Variants in GBF1 observed in about 807,000 individuals in gnomAD.
The protein encoded by GBF1 is golgi brefeldin A resistant guanine nucleotide exchange factor 1.
A neutral mutation model predicts 210.5 loss-of-function variants in GBF1; 114 were observed. The ratio of observed to expected loss-of-function variants is 0.54; its 90% CI spans 0.47 to 0.63. The LOEUF is 0.63. Ranked by LOEUF, GBF1 falls within the 30% of genes least tolerant of loss-of-function variation. GBF1 has a pLI of 0.00. For synonymous variants in GBF1, 850 were observed against 889.2 expected, an observed-to-expected ratio of 0.96 and a Z score of 0.78; for missense variants, 1,851 against 2,357.7, an observed-to-expected ratio of 0.79 and a Z score of 4.45.
At chr10:102,246,649 G>T (rs2070872097) in intron 1 of GBF1, among the ~76,000 whole-genome samples, 1 of 152,224 alleles carries the variant, frequency 6.6e-6, no homozygotes, top group African/African-American at 2.4e-5. Context: ...TCAGCCAATT[G>T]TAGGGTCAGA....
intron 33 of GBF1, among the ~76,000 whole-genome samples, chr10:102,378,272 C>T (rs1017098061): frequency 4.6e-5 from 7 of 151,538 alleles, no homozygotes; most frequent in African/African-American, 1.5e-4. Flanking sequence ...TGTATTAAAT[C>T]TGGCCAGACA....
chr10:102,350,078 T>C (rs1199740032), intron 4 of GBF1, among the ~76,000 whole-genome samples: 1 of 152,098 alleles, frequency 6.6e-6, no homozygotes, highest in Non-Finnish European at 1.5e-5. Flanking sequence ...GGGCCAGGCA[T>C]GGTAGCTCAC....
chr10:102,271,303 C>T (rs1251099499), intron 3 of GBF1, among the ~76,000 whole-genome samples: 1 of 152,162 alleles, frequency 6.6e-6, no homozygotes, highest in African/African-American at 2.4e-5. Flanking sequence ...TCCCCAAGTG[C>T]TGGAATTACA....
chr10:102,369,657 G>T (rs367847780), intron 24 of GBF1, 54 bp from the exon 25 acceptor site: 1 of 1,523,452 alleles, frequency 6.6e-7, no homozygotes, highest in Non-Finnish European at 9.1e-7. Flanking sequence ...GGGTGGAGGC[G>T]GGCACAAATG....
chr10:102,338,237 C>CTTTTTTTTTT lies in GBF1; in HGVS notation c.164-5802_164-5793dup, dbSNP rs398046214. On this transcript the variant is annotated intron_variant, in intron 3 of 39. Transcript: ENST00000369983. ...AGTCATAGATTCCAACAACCTTCTT[C>CTTTTTTTTTT]TTTTTTTTTTTTTTTTTTTTTGAGA... is the stretch of plus-strand genomic sequence containing the variant. Among the ~76,000 whole-genome samples, 7 of 114,166 alleles carry CTTTTTTTTTT rather than the reference C, an allele frequency of 6.1e-5. 1 individual carries two copies. Among genetic ancestry groups the CTTTTTTTTTT allele is most frequent in the African/African-American group, 2.4e-4 (7 of 29,544 alleles). 74.9% of individuals were successfully genotyped at this position (114,166 alleles called of 152,430 possible).
chr10:102,327,817 G>A (rs1278102253), intron 3 of GBF1, among the ~76,000 whole-genome samples: 1 of 152,160 alleles, frequency 6.6e-6, no homozygotes, highest in African/African-American at 2.4e-5. Flanking sequence ...TGTGCAGTTG[G>A]GATAAAACAA....
At chr10:102,237,484 G>C in the GBF1 span, among the ~76,000 whole-genome samples, 1 of 152,100 alleles carries the variant, frequency 6.6e-6, no homozygotes, top group Non-Finnish European at 1.5e-5. Flanking sequence ...TCCAATGGGG[G>C]ACAAGGGGCA....
intron 3 of GBF1, among the ~76,000 whole-genome samples, chr10:102,324,640 G>A (rs983503575): frequency 6.6e-6 from 1 of 152,064 alleles, no homozygotes; most frequent in Non-Finnish European, 1.5e-5. Context: ...AGGCTGGAGT[G>A]CAGTGGCGCA....
chr10:102,290,535 G>A (rs2076347175), intron 3 of GBF1, among the ~76,000 whole-genome samples: 1 of 151,990 alleles, frequency 6.6e-6, no homozygotes, highest in Non-Finnish European at 1.5e-5. Flanking sequence ...CAGGGTCTCT[G>A]TCGCCCAGGC....
At chr10:102,293,234 C>A (rs2076586660) in intron 3 of GBF1, among the ~76,000 whole-genome samples, 1 of 152,058 alleles carries the variant, frequency 6.6e-6, no homozygotes, top group Non-Finnish European at 1.5e-5. Context: ...TAAAAAAATT[C>A]CTATCACTTA....
At chr10:102,370,030 A>G (rs1188816635) in intron 26 of GBF1, 46 bp downstream of exon 26, 1 of 1,605,900 alleles carries the variant, frequency 6.2e-7, no homozygotes, top group Non-Finnish European at 8.5e-7. Context: ...ACACCTTCCT[A>G]TTAGATGCTA....
At chr10:102,231,133 CGG>C in the GBF1 span, 1 of 1,489,240 alleles carries the variant, frequency 6.7e-7, no homozygotes, top group Non-Finnish European at 8.9e-7. Flanking sequence ...GGTCAGGGCC[CGG>C]GGCCGGGTCC....
At chr10:102,367,842 G>C (rs2059993647) in intron 21 of GBF1, among the ~76,000 whole-genome samples, 1 of 152,222 alleles carries the variant, frequency 6.6e-6, no homozygotes, top group Admixed American at 6.5e-5. Context: ...TTCCTGTATA[G>C]ATTACAAGAT....
At chr10:102,246,040 C>T (rs1412570275) in intron 1 of GBF1, among the ~76,000 whole-genome samples, 1 of 152,128 alleles carries the variant, frequency 6.6e-6, no homozygotes, top group Non-Finnish European at 1.5e-5. Context: ...TTCTGTTTTC[C>T]CAGGCTTGAC....
At chr10:102,327,347 A>G (rs1470290807) in intron 3 of GBF1, among the ~76,000 whole-genome samples, 2 of 152,166 alleles carry the variant, frequency 1.3e-5, no homozygotes, top group Non-Finnish European at 1.5e-5. Flanking sequence ...ACATTGAAGA[A>G]CTGTTTCTTT....
the GBF1 span, among the ~76,000 whole-genome samples, chr10:102,235,695 AG>A: frequency 6.6e-6 from 1 of 152,150 alleles, no homozygotes; most frequent in South Asian, 2.1e-4. Flanking sequence ...TTAGGCACTG[AG>A]GGTGGAGTGG....
chr10:102,301,902 G>A (rs1396352616), intron 3 of GBF1, among the ~76,000 whole-genome samples: 1 of 152,222 alleles, frequency 6.6e-6, no homozygotes, highest in Non-Finnish European at 1.5e-5. Context: ...ACTTTGGGAG[G>A]CCAAGGCAGG....
Position 102,361,843 on chromosome 10 carries a change from C to T in GBF1, c.1617C>T (p.Leu539=). The change falls in exon 14 of 40, where the codon CTC becomes CTT. Residue 539 remains leucine, a synonymous_variant. Transcript: ENST00000369983. Reference sequence around the variant, plus strand: ...GCATCCCCAGCTTTGTCACAGAGCTCTACATCAACTATGATTGTGACTACT... The same window carrying T: ...GCATCCCCAGCTTTGTCACAGAGCTTTACATCAACTATGATTGTGACTACT... The part of the protein sequence containing the change: ...LWRIPSFVTE[L]YINYDCDYYC... 1 of 1,613,714 alleles carries T rather than the reference C, an allele frequency of 6.2e-7. No individual in the cohort carries two copies. Among genetic ancestry groups the T allele is most frequent in the Non-Finnish European group, 8.5e-7 (1 of 1,179,702 alleles).
chr10:102,364,737 T>C (rs945135645), intron 17 of GBF1, among the ~76,000 whole-genome samples: 4 of 151,778 alleles, frequency 2.6e-5, no homozygotes, highest in African/African-American at 9.7e-5. Flanking sequence ...TAATCCCAGC[T>C]ACTCGGGAGA....
Sources: allele counts gnomAD v4.1 joint callset (sites outside exome capture counted in the v4.1 genomes callset), GRCh38; gene constraint gnomAD v4.1.1; transcripts MANE v1.5; gene names NCBI Gene and HGNC (gene_info 2026-07-23, HGNC 2026-07-21).